ZFYVE16: variants seen among roughly 807,000 people sequenced by gnomAD.
The protein encoded by ZFYVE16 is zinc finger FYVE domain-containing protein 16.
A neutral mutation model predicts 138.1 loss-of-function variants in ZFYVE16; 89 were observed. The ratio of observed to expected loss-of-function variants is 0.64; its 90% confidence interval spans 0.54 to 0.77. ZFYVE16 has a LOEUF of 0.77. Among genes scored for constraint, ZFYVE16 ranks in the 30% least tolerant of loss-of-function variants. The pLI is 0.00. For missense variants in ZFYVE16, 1,793 were observed against 1,786.7 expected, an observed-to-expected ratio of 1.00 and a Z score of -0.06; for synonymous variants, 596 against 618.3, an observed-to-expected ratio of 0.96 and a Z score of 0.53.
intron 1 of ZFYVE16, among the ~76,000 whole-genome samples, chr5:80,424,999 G>C (rs1281677027): frequency 2.6e-5 from 4 of 152,078 alleles, no homozygotes; most frequent in African/African-American, 9.7e-5. Flanking sequence ...CTATCTTTGG[G>C]GTTTAGTAGT....
intron 11 of ZFYVE16, 153 bp from the exon 12 acceptor site, chr5:80,455,539 C>CAA: frequency 8.7e-6 from 5 of 572,044 alleles, no homozygotes; most frequent in East Asian, 7.3e-5. Context: ...GTCTCAAAAA[C>CAA]AAAAAAAAAA....
chr5:80,472,007 T>G lies in ZFYVE16; in HGVS notation c.4025-754T>G, dbSNP rs1450478106. The stretch of plus-strand genomic sequence containing the variant: ...GTTAATAAAGTCTCTTCACTTTGGT[T>G]GGTCCACATGACCAAATTCCCCAAC... On this transcript the variant is annotated intron_variant, in intron 15 of 18. Transcript: ENST00000505560. Among the ~76,000 whole-genome samples the G allele has an allele frequency of 2.6e-5, 4 of 152,272 alleles. No homozygotes were observed. In the East Asian group the frequency reaches 5.8e-4, roughly 22 times the overall value.
At position 80,437,103 on chromosome 5, in the gene ZFYVE16, A is replaced by C. The variant is rs764855805; in HGVS notation, c.418A>C (p.Thr140Pro). The C allele has an allele frequency of 6.2e-7, 1 of 1,614,018 alleles. No homozygotes were observed. Among genetic ancestry groups the C allele is most frequent in the African/African-American group, 1.3e-5 (1 of 74,950 alleles). ...TGACATGGGTAACTTAGTTCATGCA[A>C]CCAATAGTGAAGAAGATATTAAAAA... ...ISDMGNLVHA[T>P]NSEEDIKKLL... Residue 140 changes from threonine to proline, a missense_variant, in exon 4 of 19, where the codon ACC (threonine) becomes CCC (proline). Transcript: ENST00000505560.
chr5:80,474,119 C>A (rs1461570063), intron 17 of ZFYVE16, among the ~76,000 whole-genome samples: 1 of 152,152 alleles, frequency 6.6e-6, no homozygotes, highest in Non-Finnish European at 1.5e-5. Flanking sequence ...TAATATGTTA[C>A]TTGACCATAT....
chr5:80,426,621 A>G (rs1418876438), intron 1 of ZFYVE16, among the ~76,000 whole-genome samples: 1 of 152,172 alleles, frequency 6.6e-6, no homozygotes, highest in Non-Finnish European at 1.5e-5. Flanking sequence ...CCTGCAAAGG[A>G]CATGATATTG....
intron 4 of ZFYVE16, among the ~76,000 whole-genome samples, chr5:80,439,508 G>A (rs960458426): frequency 6.6e-6 from 1 of 151,956 alleles, no homozygotes; most frequent in East Asian, 1.9e-4. Context: ...AAATTCTAAG[G>A]GTTGCCCATA....
Position 80,437,735 on chromosome 5 carries a change from C to A in ZFYVE16, c.1050C>A (p.Asp350Glu), listed in dbSNP as rs559009527. ...CACAAGAAGACTCAAAAAGTTTAGA[C>A]CTTAAGGATAATGATGTAATCCAAG... is the stretch of plus-strand genomic sequence containing the variant. ...QSAQEDSKSL[D>E]LKDNDVIQDS... Residue 350 changes from aspartate to glutamate, a missense_variant, in exon 4 of 19, where the codon GAC becomes GAA. Coordinates refer to ENST00000505560, the MANE Select transcript of ZFYVE16 (RefSeq NM_001284236.3). The A allele has an allele frequency of 8.7e-6, 14 of 1,614,012 alleles. No homozygotes were observed. The South Asian group carries it at 1.5e-4, about 18-fold the overall frequency.
chr5:80,463,999 A>G lies in ZFYVE16; in HGVS notation c.4024+4505A>G, dbSNP rs537442997. On this transcript the variant is annotated intron_variant, in intron 15 of 18. Transcript: ENST00000505560. The stretch of plus-strand genomic sequence containing the variant: ...CTTCATTGTCCATATCACTATCAGC[A>G]TTTTGGTCAAAGCCATTCAACAAGT... 3.9e-5 allele frequency among the ~76,000 whole-genome samples: 6 copies of G among 152,248 alleles called. No individual in the cohort carries two copies. The South Asian group carries it at 1.2e-3, about 32-fold the overall frequency.
At chr5:80,442,024 A>G (rs1225653928) in intron 5 of ZFYVE16, 5 of 659,140 alleles carry the variant, frequency 7.6e-6, no homozygotes, top group Admixed American at 6.3e-5. Context: ...AAACAAAAAG[A>G]TATCAGATGG....
intron 15 of ZFYVE16, among the ~76,000 whole-genome samples, chr5:80,461,695 G>T (rs1354771233): frequency 6.6e-6 from 1 of 152,146 alleles, no homozygotes; most frequent in Non-Finnish European, 1.5e-5. Context: ...CCAGTCCTAG[G>T]CTGGGTGTGG....
At chr5:80,416,556 A>ATTT (rs56106254) in intron 1 of ZFYVE16, among the ~76,000 whole-genome samples, 2 of 142,234 alleles carry the variant, frequency 1.4e-5, no homozygotes, top group African/African-American at 2.6e-5. Context: ...CGCCCAGCCG[A>ATTT]TTTTTTTTTT....
intron 5 of ZFYVE16, chr5:80,440,714 T>C (rs975615193): frequency 2.4e-5 from 23 of 962,056 alleles, no homozygotes; most frequent in East Asian, 2.6e-4. Context: ...GGTGTTTTTT[T>C]CCCCAAGTCC....
rs747452265 is a variant in ZFYVE16, at chr5:80,456,919, ATGT to A, written c.3796-18_3796-16del. 7.0e-6 allele frequency: 11 copies of A among 1,578,874 alleles called. No homozygotes were observed. The East Asian group carries it at 1.4e-4, about 19-fold the overall frequency. On this transcript the variant is annotated intron_variant, in intron 13 of 18. Transcript: ENST00000505560. ...TAATATTAAAAGTGTTTCTAAATAA[ATGT>A]TGTTGTTTTTGTTTTTTTCCAGGTA...
intron 14 of ZFYVE16, among the ~76,000 whole-genome samples, chr5:80,459,151 C>A (rs1199047808): frequency 6.6e-6 from 1 of 152,208 alleles, no homozygotes; most frequent in Non-Finnish European, 1.5e-5. Flanking sequence ...TAGTCTCAAA[C>A]TCTTGACCTC....
chr5:80,446,523 A>G (rs960899362), intron 7 of ZFYVE16, among the ~76,000 whole-genome samples: 4 of 152,098 alleles, frequency 2.6e-5, no homozygotes, highest in South Asian at 2.1e-4. Flanking sequence ...ATATTCTCAC[A>G]TCTGGTTCTA....
Position 80,479,524 on chromosome 5 carries a change from G to A in ZFYVE16, c.*2147G>A, listed in dbSNP as rs1195743320. Among the ~76,000 whole-genome samples the A allele has an allele frequency of 2.0e-5, 3 of 152,164 alleles. No homozygotes were observed. The highest frequency in any genetic ancestry group is 4.4e-5 in the Non-Finnish European group (3 of 68,014). On this transcript the variant is annotated 3_prime_UTR_variant, in exon 19 of 19. Transcript: ENST00000505560. ...CAAGTAGTATGCGCTTAAGTGCAGAGCATGCCAAGAGAAAGAGTAGGATTT... is the reference window on the plus strand; with the variant it reads ...CAAGTAGTATGCGCTTAAGTGCAGAACATGCCAAGAGAAAGAGTAGGATTT...
rs746118088 is a variant in ZFYVE16 at position 80,438,183 on chromosome 5, A to C, written c.1498A>C (p.Ile500Leu). 6.2e-7 allele frequency: 1 copy of C among 1,613,968 alleles called. No homozygotes were observed. Among genetic ancestry groups the C allele is most frequent in the South Asian group, 1.1e-5 (1 of 91,080 alleles). ...GTCTTCTGATTGTTGTGAAGGTTTT[A>C]TTAATACTTTTTCAAGCAATGATAT... is the stretch of plus-strand genomic sequence containing the variant. ...PESSDCCEGF[I>L]NTFSSNDMDG... The change falls in exon 4 of 19, where the codon ATT becomes CTT. Residue 500 changes from isoleucine to leucine, a missense_variant. Transcript: ENST00000505560.
chr5:80,462,503 G>A (rs1011077957), intron 15 of ZFYVE16, among the ~76,000 whole-genome samples: 3 of 152,136 alleles, frequency 2.0e-5, no homozygotes, highest in Non-Finnish European at 4.4e-5. Flanking sequence ...TCTCTCCCTT[G>A]ACATGCAGGG....
intron 1 of ZFYVE16, chr5:80,411,811 C>G (rs1745496965): frequency 6.6e-6 from 1 of 152,242 alleles, no homozygotes; most frequent in Non-Finnish European, 1.5e-5. Flanking sequence ...CATGTTTTCC[C>G]TTAATCCTGC....
Sources: allele counts gnomAD v4.1 joint callset (sites outside exome capture counted in the v4.1 genomes callset), GRCh38; gene constraint gnomAD v4.1.1; transcripts MANE v1.5; gene names NCBI Gene and HGNC (gene_info 2026-07-23, HGNC 2026-07-21).